Variants in FOXK1 observed in about 807,000 individuals in gnomAD.
The protein encoded by FOXK1 is forkhead box K1.
FOXK1 carries 19 observed loss-of-function variants against 51.9 expected under a neutral mutation model. That is an observed-to-expected ratio of 0.37 (90% CI 0.26 to 0.54). The LOEUF is 0.54. Among genes scored for constraint, FOXK1 ranks in the 20% least tolerant of loss-of-function variants. FOXK1 has a pLI of 0.87. For synonymous variants in FOXK1, 537 were observed against 482.6 expected, an observed-to-expected ratio of 1.11 and a Z score of -1.48; for missense variants, 870 against 1,032.7, an observed-to-expected ratio of 0.84 and a Z score of 2.16.
At chr7:4,690,985 T>C (rs1339287925) in intron 1 of FOXK1, among the ~76,000 whole-genome samples, 1 of 152,202 alleles carries the variant, frequency 6.6e-6, no homozygotes, top group Non-Finnish European at 1.5e-5. Context: ...GGCCCCTGCA[T>C]CGTGACTTGT....
chr7:4,767,405 G>A lies in FOXK1; in HGVS notation c.*4941G>A, dbSNP rs1158656243. ...GGTCTGCTGCAAGGAGCCACCACGGGGACTGCGCCACACTCCTGATGAAAA... is the reference window on the plus strand; with the variant it reads ...GGTCTGCTGCAAGGAGCCACCACGGAGACTGCGCCACACTCCTGATGAAAA... On this transcript the variant is annotated 3_prime_UTR_variant, in exon 9 of 9. Transcript: ENST00000328914. This position sits in a 1 kb window ranked among gnomAD's most constrained non-coding sequence, Gnocchi z 6.6. 1 of 152,262 alleles carries A rather than the reference G, an allele frequency of 6.6e-6. No individual in the cohort carries two copies. The highest frequency in any genetic ancestry group is 2.4e-5 in the African/African-American group (1 of 41,468). 9.4% of individuals were successfully genotyped at this position (152,262 alleles called of 1,614,324 possible).
chr7:4,723,333 C>T lies in FOXK1; in HGVS notation c.561-17505C>T, dbSNP rs1340502743. On this transcript the variant is annotated intron_variant, in intron 1 of 8. Transcript: ENST00000328914. This position sits in a 1 kb window ranked among gnomAD's most constrained non-coding sequence, Gnocchi z 4.7. Reference sequence around the variant, plus strand: ...TAGCAAAAGAGCTTGTTGGTAAATACTGCCTGAAAACATTGGCTTAATTTG... The same window carrying T: ...TAGCAAAAGAGCTTGTTGGTAAATATTGCCTGAAAACATTGGCTTAATTTG... 6.6e-6 allele frequency among the ~76,000 whole-genome samples: 1 copy of T among 152,034 alleles called. No individual in the cohort carries two copies. The highest frequency in any genetic ancestry group is 1.9e-4 in the East Asian group (1 of 5,178).
intron 1 of FOXK1, among the ~76,000 whole-genome samples, chr7:4,687,444 C>T (rs1036011418): frequency 1.3e-5 from 2 of 151,740 alleles, no homozygotes; most frequent in Non-Finnish European, 2.9e-5. Flanking sequence ...AGGCGCACGT[C>T]ACCACGCCTG....
chr7:4,719,038 A>C (rs1780274618), intron 1 of FOXK1, among the ~76,000 whole-genome samples: 1 of 151,702 alleles, frequency 6.6e-6, no homozygotes, highest in South Asian at 2.1e-4. Context: ...CGAACTCCCA[A>C]CCTCAGGTGA....
intron 2 of FOXK1, among the ~76,000 whole-genome samples, chr7:4,742,582 A>G (rs1440198798): frequency 6.6e-6 from 1 of 151,030 alleles, no homozygotes; most frequent in East Asian, 2.0e-4. Flanking sequence ...ACACCCACTT[A>G]ATTTTCTTAT....
chr7:4,713,746 G>T (rs546154411), intron 1 of FOXK1, among the ~76,000 whole-genome samples: 1 of 151,810 alleles, frequency 6.6e-6, no homozygotes, highest in Non-Finnish European at 1.5e-5. Context: ...CGCCTTGGCC[G>T]CTCAAAGTGT....
intron 1 of FOXK1, among the ~76,000 whole-genome samples, chr7:4,693,106 C>T (rs987054068): frequency 6.6e-6 from 1 of 151,996 alleles, no homozygotes; most frequent in Non-Finnish European, 1.5e-5. Flanking sequence ...TTGAATGAGT[C>T]CTTTGCCACC....
Position 4,756,516 on chromosome 7 carries a change from T to C in FOXK1, c.1051-478T>C, listed in dbSNP as rs146246402. On this transcript the variant is annotated intron_variant, in intron 4 of 8. Coordinates refer to ENST00000328914, the MANE Select transcript of FOXK1 (RefSeq NM_001037165.2). The surrounding 1 kb of genome is among the most constrained non-coding windows in gnomAD (Gnocchi z 4.1). ...GAATGGTAATGGCAGCCAGGCACAG[T>C]AGCTCATGCCTGTAATCCCAGCACT... is the stretch of plus-strand genomic sequence containing the variant. Among the ~76,000 whole-genome samples, 279 of 151,606 alleles carry C rather than the reference T, an allele frequency of 1.8e-3. 2 individuals are homozygous for C. The highest frequency in any genetic ancestry group is 6.4e-3 in the African/African-American group (264 of 41,342).
intron 1 of FOXK1, among the ~76,000 whole-genome samples, chr7:4,705,997 TATATAC>T (rs1462493837): frequency 0.021 from 2,210 of 107,218 alleles, 271 homozygotes; most frequent in African/African-American, 0.12. Context: ...TATATACGTA[TATATAC>T]GTATATATAC....
rs1326941634 is a variant in FOXK1 at position 4,683,421 on chromosome 7, C to T, written c.560+553C>T. On this transcript the variant is annotated intron_variant, in intron 1 of 8. Coordinates refer to ENST00000328914, the MANE Select transcript of FOXK1 (RefSeq NM_001037165.2). The surrounding 1 kb of genome is among the most constrained non-coding windows in gnomAD (Gnocchi z 4.5). ...CAAGGTTAACCGCGACCCCCACTTC[C>T]TAGGCCCCCCCGGAGTCACCCCTGA... Among the ~76,000 whole-genome samples the T allele has an allele frequency of 6.6e-6, 1 of 151,940 alleles. No homozygotes were observed. Among genetic ancestry groups the T allele is most frequent in the Non-Finnish European group, 1.5e-5 (1 of 67,894 alleles).
In FOXK1 at chr7:4,759,155, A is replaced by C. The variant is rs146070431; in HGVS notation, c.1349A>C (p.Asp450Ala). Residue 450 changes from aspartate to alanine, a missense_variant, in exon 6 of 9, where the codon GAC becomes GCC. Asp to Ala is a moderately radical substitution (Grantham distance 126, BLOSUM62 -2). Around this residue, in one of 3 missense-constraint regions of FOXK1, gnomAD observed 457 missense variants for 510.8 expected, o/e 0.89. Coordinates refer to ENST00000328914, the MANE Select transcript of FOXK1 (RefSeq NM_001037165.2). ...CGGGAGGGCTCCCCCATTCCACACGACCCTGAGTTTGGGTCCAAGTTAGCT... is the reference window on the plus strand; with the variant it reads ...CGGGAGGGCTCCCCCATTCCACACGCCCCTGAGTTTGGGTCCAAGTTAGCT... ...LSREGSPIPH[D>A]PEFGSKLASV... 1.9e-6 allele frequency: 3 copies of C among 1,610,624 alleles called. No homozygotes were observed. In the African/African-American group the frequency reaches 4.0e-5, roughly 22 times the overall value.
At chr7:4,746,900 C>T (rs962411656) in intron 2 of FOXK1, among the ~76,000 whole-genome samples, 5 of 152,186 alleles carry the variant, frequency 3.3e-5, no homozygotes, top group Admixed American at 2.0e-4. Flanking sequence ...CCTTGCTGCC[C>T]CTCCCCACCC....
chr7:4,739,735 G>A (rs1780606833), intron 1 of FOXK1, among the ~76,000 whole-genome samples: 3 of 152,242 alleles, frequency 2.0e-5, no homozygotes, highest in African/African-American at 2.4e-5. Context: ...CCCGCCTGCC[G>A]GAGCAGGGGT....
At chr7:4,750,971 C>T (rs1213809253) in intron 2 of FOXK1, among the ~76,000 whole-genome samples, 1 of 150,772 alleles carries the variant, frequency 6.6e-6, no homozygotes, top group Admixed American at 6.6e-5. Flanking sequence ...CCTCAAAGTG[C>T]TGGGATTACA....
At chr7:4,741,882 C>T (rs1048673683) in intron 2 of FOXK1, among the ~76,000 whole-genome samples, 3 of 152,212 alleles carry the variant, frequency 2.0e-5, no homozygotes, top group Non-Finnish European at 4.4e-5. Flanking sequence ...GAACCTCAGG[C>T]GACAGCCTGG....
In FOXK1 at chr7:4,704,834, C is replaced by CTTTTTTTTTTTTTTTTTTTTT. The variant is rs775099211; in HGVS notation, c.560+21981_560+21982insTTTTTTTTTTTTTTTTTTTTT. Among the ~76,000 whole-genome samples, 46 of 131,398 alleles carry CTTTTTTTTTTTTTTTTTTTTT rather than the reference C, an allele frequency of 3.5e-4. 2 individuals carry two copies. The highest frequency in any genetic ancestry group is 1.5e-3 in the African/African-American group (46 of 31,084). The allele number at this position is 131,398 out of a possible 152,430, so 86.2% of individuals were successfully genotyped here. A position where few individuals can be genotyped will look rare whatever the true frequency, so the allele number is the denominator to read the frequency against. On this transcript the variant is annotated intron_variant, in intron 1 of 8. Transcript: ENST00000328914. ...CTCCCAAACCAATCTATGTTTCATTCTTTTTTTTTTTTTTTGAGAAAAAGT... is the reference window on the plus strand; with the variant it reads ...CTCCCAAACCAATCTATGTTTCATTCTTTTTTTTTTTTTTTTTTTTTTTTTTTTTTTTTTTTGAGAAAAAGT...
chr7:4,705,958 A>ACG (rs1780085404), intron 1 of FOXK1, among the ~76,000 whole-genome samples: 13 of 127,032 alleles, frequency 1.0e-4, no homozygotes, highest in African/African-American at 5.1e-4. Flanking sequence ...ATATATATAT[A>ACG]TGTATATATA....
At position 4,761,330 on chromosome 7, in the gene FOXK1, T is replaced by G. The variant is rs376583783; in HGVS notation, c.1921+42T>G. The G allele has an allele frequency of 5.1e-5, 80 of 1,572,142 alleles. No homozygotes were observed. The highest frequency in any genetic ancestry group is 6.5e-5 in the Non-Finnish European group (75 of 1,154,240). ...GTTCTCCATGCCACATCCCAAGCTC[T>G]GTGGCTCCCAGTAGTCAGTGCGGCA... is the stretch of plus-strand genomic sequence containing the variant. On this transcript the variant is annotated intron_variant, in intron 8 of 8. Transcript: ENST00000328914. The surrounding 1 kb of genome is among the most constrained non-coding windows in gnomAD (Gnocchi z 6.2).
At chr7:4,713,725 C>T (rs556958878) in intron 1 of FOXK1, among the ~76,000 whole-genome samples, 182 of 152,134 alleles carry the variant, frequency 1.2e-3, no homozygotes, top group Non-Finnish European at 2.2e-3. Flanking sequence ...CTCCTGACCT[C>T]GTGATCTGCC....
Sources: allele counts gnomAD v4.1 joint callset (sites outside exome capture counted in the v4.1 genomes callset), GRCh38; gene constraint gnomAD v4.1.1; regional missense constraint gnomAD v4.1.1; non-coding constraint Gnocchi (gnomAD v3.1); transcripts MANE v1.5; gene names NCBI Gene and HGNC (gene_info 2026-07-23, HGNC 2026-07-21).